ZNF233: variants seen among roughly 807,000 people sequenced by gnomAD.
ZNF233 encodes the protein zinc finger protein 233.
Under a neutral mutation model 11.6 loss-of-function variants are expected in ZNF233, and 7 were observed. That is an observed-to-expected ratio of 0.60 (90% confidence interval 0.34 to 1.13). The LOEUF is 1.13. ZNF233 is among the 50% of genes most tolerant of loss of function. The pLI, the probability that ZNF233 is intolerant of heterozygous loss-of-function variation, is 0.03. For synonymous variants in ZNF233, 226 were observed against 268.5 expected (o/e 0.84, Z 1.55); for missense variants, 711 against 785.5 (o/e 0.91, Z 1.13).
At chr19:44,272,429 T>C (rs1166123923) in intron 4 of ZNF233, among the ~76,000 whole-genome samples, 8 of 149,884 alleles carry the variant, frequency 5.3e-5, no homozygotes, top group Non-Finnish European at 7.4e-5. Context: ...TTTGTTGCCA[T>C]AGGCATGAAA....
rs1170377696 is a variant in ZNF233, at chr19:44,273,742, A to G, written c.1082A>G (p.Glu361Gly). ...SNQNSCLPSH[E>G]LTHPGEKLCT... is the part of the protein sequence containing the mutation. ...CAGAACTCCTGTCTTCCCTCTCATG[A>G]GCTTACTCACCCAGGAGAGAAGTTG... Residue 361 changes from glutamate to glycine, a missense_variant, in exon 5 of 5, where the codon GAG becomes GGG. Physicochemically the swap from Glu to Gly is moderately conservative, Grantham distance 98. Coordinates refer to ENST00000683810, the MANE Select transcript of ZNF233 (RefSeq NM_001207005.2). 1 of 1,614,156 alleles carries G rather than the reference A, an allele frequency of 6.2e-7. No homozygotes were observed. The highest frequency in any genetic ancestry group is 1.1e-5 in the South Asian group (1 of 91,084).
intron 1 of ZNF233, among the ~76,000 whole-genome samples, chr19:44,262,940 G>C (rs982154579): frequency 2.1e-4 from 32 of 152,022 alleles, no homozygotes; most frequent in African/African-American, 7.7e-4. Flanking sequence ...TCATATTTCT[G>C]ATTAGAGAAG....
chr19:44,271,279 T>C (rs868038181), intron 4 of ZNF233, among the ~76,000 whole-genome samples: 27 of 152,172 alleles, frequency 1.8e-4, no homozygotes, highest in African/African-American at 6.5e-4. Flanking sequence ...GAAGATATTT[T>C]TCTATATTCT....
Position 44,259,911 on chromosome 19 carries a change from A to G in ZNF233, c.-75A>G, listed in dbSNP as rs1233444. ...GTGTACTTCCGCTGCAGGAGGGCGA[A>G]GCAGCCGTCATCTATCCCCTCTGGG... On this transcript the variant is annotated 5_prime_UTR_variant, in exon 1 of 5. Coordinates refer to ENST00000683810, the MANE Select transcript of ZNF233 (RefSeq NM_001207005.2). 0.72 allele frequency: 326,660 copies of G among 455,532 alleles called. 118,148 individuals carry two copies. Among genetic ancestry groups the G allele is most frequent in the African/African-American group, 0.8 (39,837 of 50,098 alleles). The allele number at this position is 455,532 out of a possible 1,614,324, so 28.2% of individuals were successfully genotyped here.
chr19:44,267,017 C>G, intron 4 of ZNF233, 56 bp downstream of exon 4: 1 of 1,356,330 alleles, frequency 7.4e-7, no homozygotes, highest in Non-Finnish European at 1.0e-6. Flanking sequence ...CTCTCCTCCT[C>G]ACCACCTCCT....
At position 44,274,257 on chromosome 19, in the gene ZNF233, G is replaced by T; in HGVS notation, c.1597G>T (p.Glu533Ter). ...GGCCCATCAGAGAGTTCACAAAGGA[G>T]AGAAGCCATACAAATGTGAGACATG... Reference protein sequence around the residue: ...LQAHQRVHKGEKPYKCETCGK... With the variant: ...LQAHQRVHKG The change falls in exon 5 of 5, where the codon GAG becomes TAG. Residue 533 changes from glutamate to a stop codon, truncating the protein, a stop_gained. Coordinates refer to ENST00000683810, the MANE Select transcript of ZNF233 (RefSeq NM_001207005.2). LOFTEE classifies it low-confidence loss of function (END_TRUNC). 1 of 1,610,342 alleles carries T rather than the reference G, an allele frequency of 6.2e-7. No homozygotes were observed.
chr19:44,266,913 G>C lies in ZNF233; in HGVS notation c.190G>C (p.Asp64His), dbSNP rs1225946141. 1 of 1,613,946 alleles carries C rather than the reference G, an allele frequency of 6.2e-7. No homozygotes were observed. Among genetic ancestry groups the C allele is most frequent in the East Asian group, 2.2e-5 (1 of 44,888 alleles). ...LDVILQLGKE[D>H]KLRMMETEIQ... ...TGTGATATTACAGTTGGGAAAAGAA[G>C]ACAAGCTTCGGATGATGGAGACAGA... Residue 64 changes from aspartate (D) to histidine (H), a missense_variant, in exon 4 of 5, where the codon GAC becomes CAC. Transcript: ENST00000683810.
intron 4 of ZNF233, among the ~76,000 whole-genome samples, chr19:44,269,180 A>C (rs1400191811): frequency 6.6e-6 from 1 of 150,494 alleles, no homozygotes; most frequent in African/African-American, 2.4e-5. Context: ...TTTGTGTATA[A>C]ACCTAAAACT....
rs138567317 is a variant in ZNF233 at position 44,273,695 on chromosome 19, G to C, written c.1035G>C (p.Gln345His). The C allele has an allele frequency of 5.0e-5, 81 of 1,614,024 alleles. 1 individual carries two copies. In the African/African-American group the frequency reaches 8.4e-4, roughly 17 times the overall value. Reference protein sequence around the residue: ...VSTGENLYRCQVYARSSNQNS... With the variant: ...VSTGENLYRCHVYARSSNQNS... ...CAGGAGAGAACCTCTACAGATGTCA[G>C]GTATATGCCCGGAGCTCCAACCAGA... The change falls in exon 5 of 5, where the codon CAG becomes CAC. Residue 345 changes from glutamine (Q) to histidine (H), a missense_variant. Transcript: ENST00000683810.
In ZNF233 at chr19:44,274,066, C is replaced by G; in HGVS notation, c.1406C>G (p.Ala469Gly). The G allele has an allele frequency of 1.3e-6, 2 of 1,597,404 alleles. No homozygotes were observed. Among genetic ancestry groups the G allele is most frequent in the Non-Finnish European group, 1.7e-6 (2 of 1,179,416 alleles). Reference sequence around the variant, plus strand: ...TTCAGTAAGGCCTCAAATCTTCAAGCCCATCAGAGAATCCACACTGGAGAG... The same window carrying G: ...TTCAGTAAGGCCTCAAATCTTCAAGGCCATCAGAGAATCCACACTGGAGAG... ...KGFSKASNLQ[A>G]HQRIHTGEKP... is the part of the protein sequence containing the mutation. The change falls in exon 5 of 5, where the codon GCC (alanine) becomes GGC (glycine). Residue 469 changes from alanine to glycine, a missense_variant. By Grantham distance (60) the Ala-to-Gly change is moderately conservative (BLOSUM62 0). Transcript: ENST00000683810.
intron 4 of ZNF233, among the ~76,000 whole-genome samples, chr19:44,271,156 G>C (rs1389311435): frequency 9.2e-5 from 14 of 152,068 alleles, no homozygotes; most frequent in Admixed American, 9.2e-4. Flanking sequence ...TATATACTTA[G>C]AACCTCATTG....
intron 4 of ZNF233, chr19:44,268,339 TC>T (rs1975149523): frequency 6.6e-6 from 1 of 152,182 alleles, no homozygotes; most frequent in Non-Finnish European, 1.5e-5. Flanking sequence ...TTACCTGTTT[TC>T]TTTTCATTTT....
intron 4 of ZNF233, among the ~76,000 whole-genome samples, chr19:44,271,735 C>T (rs1023526942): frequency 6.6e-5 from 10 of 151,776 alleles, no homozygotes; most frequent in African/African-American, 2.2e-4. Flanking sequence ...TGGTCTCGAT[C>T]TCCTGACCTC....
At chr19:44,266,806 G>C in intron 3 of ZNF233, 60 bp from the exon 4 acceptor site, 2 of 1,279,390 alleles carry the variant, frequency 1.6e-6, no homozygotes, top group Non-Finnish European at 2.2e-6. Context: ...GGTGGTGTTG[G>C]AATTAAAATT....
rs1251950262 is a variant in ZNF233, at chr19:44,274,310, T to A, written c.1650T>A (p.His550Gln). The part of the protein sequence containing the change: ...TCGKGFSQSS[H>Q]LQDHQQVHTG... Reference sequence around the variant, plus strand: ...GGAAGGGCTTTAGTCAGAGTTCGCATCTCCAAGACCATCAGCAAGTCCATA... The same window carrying A: ...GGAAGGGCTTTAGTCAGAGTTCGCAACTCCAAGACCATCAGCAAGTCCATA... The change falls in exon 5 of 5, where the codon CAT becomes CAA. Residue 550 changes from histidine to glutamine, a missense_variant. His to Gln is a conservative substitution (Grantham distance 24, BLOSUM62 0). Transcript: ENST00000683810. 1 of 1,613,472 alleles carries A rather than the reference T, an allele frequency of 6.2e-7. No homozygotes were observed. The highest frequency in any genetic ancestry group is 8.5e-7 in the Non-Finnish European group (1 of 1,179,904).
intron 2 of ZNF233, 62 bp downstream of exon 2, chr19:44,264,437 C>T (rs958871279): frequency 2.0e-6 from 3 of 1,482,482 alleles, no homozygotes; most frequent in Admixed American, 2.0e-5. Flanking sequence ...AGATTAGACA[C>T]TTTTTTTTCT....
At chr19:44,267,261 C>T (rs1707377879) in intron 4 of ZNF233, 1 of 406,202 alleles carries the variant, frequency 2.5e-6, no homozygotes, top group Non-Finnish European at 4.3e-6. Context: ...TCACCCACTC[C>T]CTGTGAATTG....
At chr19:44,271,188 A>T (rs548800014) in intron 4 of ZNF233, among the ~76,000 whole-genome samples, 1 of 152,216 alleles carries the variant, frequency 6.6e-6, no homozygotes, top group Non-Finnish European at 1.5e-5. Context: ...AATTCTCTCA[A>T]ATCTAGCTCA....
At position 44,274,333 on chromosome 19, in the gene ZNF233, A is replaced by G. The variant is rs1975333467; in HGVS notation, c.1673A>G (p.His558Arg). ...CATCTCCAAGACCATCAGCAAGTCC[A>G]TACTGGAGAGAATCCCTACAAATGT... ...SSHLQDHQQV[H>R]TGENPYKCDV... The change falls in exon 5 of 5, where the codon CAT becomes CGT. Residue 558 changes from histidine to arginine, a missense_variant. Coordinates refer to ENST00000683810, the MANE Select transcript of ZNF233 (RefSeq NM_001207005.2). The G allele has an allele frequency of 6.2e-7, 1 of 1,614,020 alleles. No individual in the cohort carries two copies. Among genetic ancestry groups the G allele is most frequent in the Non-Finnish European group, 8.5e-7 (1 of 1,179,934 alleles).
Sources: gnomAD v4.1 joint callset for allele counts (sites outside exome capture counted in the v4.1 genomes callset) on GRCh38, gnomAD v4.1.1 for gene constraint, MANE v1.5 for transcripts, NCBI Gene and HGNC (gene_info 2026-07-23, HGNC 2026-07-21) for gene names.